TAF2: variants seen among roughly 807,000 people sequenced by gnomAD.
The protein encoded by TAF2 is TATA-box binding protein associated factor 2.
A neutral mutation model predicts 138.5 loss-of-function variants in TAF2; 61 were observed. The ratio of observed to expected loss-of-function variants is 0.44; its 90% CI spans 0.36 to 0.54. The LOEUF (loss-of-function observed/expected upper bound fraction) is 0.54. Among genes scored for constraint, TAF2 ranks in the 20% least tolerant of loss-of-function variants. The pLI, the probability that TAF2 is intolerant of heterozygous loss-of-function variation, is 0.00. For missense variants in TAF2, 1,090 were observed against 1,427.9 expected, an observed-to-expected ratio of 0.76 and a Z score of 3.81; for synonymous variants, 475 against 469.9, an observed-to-expected ratio of 1.01 and a Z score of -0.14.
At chr8:119,740,244 T>A (rs1252757971) in intron 25 of TAF2, among the ~76,000 whole-genome samples, 1 of 152,082 alleles carries the variant, frequency 6.6e-6, no homozygotes, top group African/African-American at 2.4e-5. Flanking sequence ...GAGCTCTGAG[T>A]GAATCTTCTC....
At chr8:119,826,225 C>T (rs1586553629) in intron 2 of TAF2, among the ~76,000 whole-genome samples, 3 of 151,076 alleles carry the variant, frequency 2.0e-5, no homozygotes, top group Non-Finnish European at 2.9e-5. Context: ...CAAAACTGCA[C>T]GTTCTGCACA....
At chr8:119,753,222 C>A (rs914772425) in intron 22 of TAF2, among the ~76,000 whole-genome samples, 1 of 152,002 alleles carries the variant, frequency 6.6e-6, no homozygotes, top group Non-Finnish European at 1.5e-5. Flanking sequence ...CCATGCCCAG[C>A]CAGTTTATTT....
chr8:119,812,594 T>C (rs1010385136), intron 3 of TAF2, among the ~76,000 whole-genome samples: 16 of 152,258 alleles, frequency 1.1e-4, no homozygotes, highest in Admixed American at 5.9e-4. Context: ...AAATAAAAAA[T>C]GAGAACATAT....
rs114776071 is a variant in TAF2 at position 119,794,957 on chromosome 8, T to C, written c.1191+575A>G. Among the ~76,000 whole-genome samples the C allele has an allele frequency of 7.5e-3, 1,144 of 152,054 alleles. 17 individuals carry two copies. Among genetic ancestry groups the C allele is most frequent in the African/African-American group, 0.026 (1,080 of 41,458 alleles). On this transcript the variant is annotated intron_variant, in intron 9 of 25. Coordinates refer to ENST00000378164, the MANE Select transcript of TAF2 (RefSeq NM_003184.4). Reference sequence around the variant, plus strand: ...GAGAAGGAAGACACTAAGCATGATATGATTAAAATGTTTATGTATATGACC... The same window carrying C: ...GAGAAGGAAGACACTAAGCATGATACGATTAAAATGTTTATGTATATGACC...
intron 9 of TAF2, among the ~76,000 whole-genome samples, chr8:119,794,392 T>C (rs1290425377): frequency 3.1e-5 from 4 of 130,950 alleles, no homozygotes; most frequent in Non-Finnish European, 6.3e-5. Flanking sequence ...TGAGACTCCG[T>C]CTCAAAAAAA....
At chr8:119,788,752 A>C (rs1823211251) in intron 13 of TAF2, 38 bp downstream of exon 13, 2 of 1,363,442 alleles carry the variant, frequency 1.5e-6, no homozygotes, top group Admixed American at 3.4e-5. Context: ...GAAACTGAGG[A>C]GATAGCAGTA....
chr8:119,760,666 A>G lies in TAF2; in HGVS notation c.2631T>C (p.Tyr877=), dbSNP rs781098803. 45 of 1,613,942 alleles carry G rather than the reference A, an allele frequency of 2.8e-5. No individual in the cohort carries two copies. The highest frequency in any genetic ancestry group is 8.8e-5 in the South Asian group (8 of 91,090). The change falls in exon 20 of 26, where the codon TAT becomes TAC. Residue 877 remains tyrosine (Y), a synonymous_variant. Transcript: ENST00000378164. ...VPSDPALFKS[Y]AEYGHFVDIR... ...TGTCCACAAAGTGGCCATATTCAGC[A>G]TAAGATTTAAAAAGAGCTGGATCAC...
chr8:119,755,815 T>C (rs796290326), intron 22 of TAF2, among the ~76,000 whole-genome samples, 191 bp downstream of exon 22: 2 of 152,292 alleles, frequency 1.3e-5, no homozygotes, highest in African/African-American at 4.8e-5. Flanking sequence ...AACCACACTA[T>C]GGAGTAAAGT....
At chr8:119,777,635 G>A (rs975140120) in intron 18 of TAF2, among the ~76,000 whole-genome samples, 1 of 152,164 alleles carries the variant, frequency 6.6e-6, no homozygotes, top group African/African-American at 2.4e-5. Flanking sequence ...CAAGGAACAA[G>A]TTAATCCCAA....
In TAF2 at chr8:119,806,272, T is replaced by C. The variant is rs1163273687; in HGVS notation, c.418+11A>G. 1 of 1,605,918 alleles carries C rather than the reference T, an allele frequency of 6.2e-7. No homozygotes were observed. Among genetic ancestry groups the C allele is most frequent in the Non-Finnish European group, 8.5e-7 (1 of 1,172,674 alleles). On this transcript the variant is annotated intron_variant, in intron 4 of 25. Coordinates refer to ENST00000378164, the MANE Select transcript of TAF2 (RefSeq NM_003184.4). ...TTTTAGTGTACAGTCAATATACTCT[T>C]GGTGCTTTACCATCAACGTGTTTCC...
At chr8:119,765,278 T>A (rs1821342290) in intron 18 of TAF2, among the ~76,000 whole-genome samples, 2 of 152,104 alleles carry the variant, frequency 1.3e-5, no homozygotes, top group South Asian at 4.1e-4. Context: ...ACAAGAACTA[T>A]TTTATTTGCA....
chr8:119,742,073 C>T lies in TAF2; in HGVS notation c.3337+461G>A, dbSNP rs145479484. On this transcript the variant is annotated intron_variant, in intron 25 of 25. Transcript: ENST00000378164. ...TAGCATCAAGTCTTCAGGAGTGAATCACCAATTATATACACGAGTGGGGGA... is the reference window on the plus strand; with the variant it reads ...TAGCATCAAGTCTTCAGGAGTGAATTACCAATTATATACACGAGTGGGGGA... Among the ~76,000 whole-genome samples the T allele has an allele frequency of 1.3e-3, 203 of 152,274 alleles. 3 individuals are homozygous for T. The East Asian group carries it at 0.038, about 28-fold the overall frequency.
chr8:119,793,918 G>T (rs1321467494), intron 9 of TAF2, among the ~76,000 whole-genome samples: 4 of 149,176 alleles, frequency 2.7e-5, no homozygotes, highest in Non-Finnish European at 5.9e-5. Flanking sequence ...AAAAAGGGGG[G>T]GTTGGGGGCA....
At chr8:119,762,235 G>C (rs778354132) in intron 19 of TAF2, among the ~76,000 whole-genome samples, 180 bp downstream of exon 19, 3 of 152,138 alleles carry the variant, frequency 2.0e-5, no homozygotes, top group Non-Finnish European at 4.4e-5. Context: ...TAGTTAAAGA[G>C]AGAAAAAATT....
rs1586569481 is a variant in TAF2, at chr8:119,832,717, C to G, written c.-153G>C. 3.3e-6 allele frequency: 2 copies of G among 606,802 alleles called. No individual in the cohort carries two copies. Among genetic ancestry groups the G allele is most frequent in the East Asian group, 5.8e-5 (2 of 34,460 alleles). 37.6% of individuals were successfully genotyped at this position (606,802 alleles called of 1,614,324 possible). ...AGGTGAGCGACCTGACGGGTCGCTG[C>G]CCGCCTCAACCTCGCTCCTTCGACT... On this transcript the variant is annotated 5_prime_UTR_variant, in exon 1 of 26. Coordinates refer to ENST00000378164, the MANE Select transcript of TAF2 (RefSeq NM_003184.4).
In TAF2 at chr8:119,731,455, A is replaced by C. The variant is rs1818873434; in HGVS notation, c.*469T>G. 1 of 168,374 alleles carries C rather than the reference A, an allele frequency of 5.9e-6. No homozygotes were observed. The highest frequency in any genetic ancestry group is 2.4e-5 in the African/African-American group (1 of 41,668). 10.4% of individuals were successfully genotyped at this position (168,374 alleles called of 1,614,324 possible). A position where few individuals can be genotyped will look rare whatever the true frequency, so the allele number is the denominator to read the frequency against. On this transcript the variant is annotated 3_prime_UTR_variant, in exon 26 of 26. Transcript: ENST00000378164. ...TAAGGAAGAGTACTGTAGAAAAGCC[A>C]CTGTCTTTTCAGTAGTTCCAAATGG...
intron 18 of TAF2, among the ~76,000 whole-genome samples, chr8:119,765,014 A>G (rs1298678884): frequency 2.6e-5 from 4 of 152,224 alleles, no homozygotes; most frequent in Non-Finnish European, 5.9e-5. Context: ...TTCTCAAAGG[A>G]AATAAAATAT....
Position 119,732,673 on chromosome 8 carries a change from G to A in TAF2, c.3338-487C>T, listed in dbSNP as rs1416181554. The stretch of plus-strand genomic sequence containing the variant: ...ACAAAAATTAGCCGGGCATGGTGGC[G>A]GGTGCCTGTAATCCCAGGTACTTGG... On this transcript the variant is annotated intron_variant, in intron 25 of 25. Coordinates refer to ENST00000378164, the MANE Select transcript of TAF2 (RefSeq NM_003184.4). Among the ~76,000 whole-genome samples, 4 of 150,978 alleles carry A rather than the reference G, an allele frequency of 2.6e-5. No homozygotes were observed. Among genetic ancestry groups the A allele is most frequent in the African/African-American group, 4.8e-5 (2 of 41,346 alleles).
intron 2 of TAF2, 56 bp from the exon 3 acceptor site, chr8:119,819,562 ATTTCT>A (rs1337554762): frequency 2.1e-6 from 3 of 1,435,236 alleles, no homozygotes; most frequent in African/African-American, 1.4e-5. Context: ...TTCAGAATAT[ATTTCT>A]TTTATTTTTA....
Sources: allele counts gnomAD v4.1 joint callset (sites outside exome capture counted in the v4.1 genomes callset), GRCh38; gene constraint gnomAD v4.1.1; transcripts MANE v1.5; gene names NCBI Gene and HGNC (gene_info 2026-07-23, HGNC 2026-07-21).